The following SGCZ variants were observed in gnomAD, a reference collection of about 807,000 sequenced individuals.
SGCZ encodes zeta-sarcoglycan.
Under a neutral mutation model 41.3 loss-of-function variants are expected in SGCZ, and 40 were observed. That is an observed-to-expected ratio of 0.97 (90% CI 0.75 to 1.26). The LOEUF is 1.26. Ranked by LOEUF, SGCZ falls within the 50% of genes most tolerant of loss-of-function variation. The probability of loss-of-function intolerance (pLI) is 0.00; values close to 1 mark genes in which losing one functional copy is unlikely to be tolerated. For missense variants in SGCZ, 552 were observed against 369.8 expected (o/e 1.49, Z -4.04); for synonymous variants, 206 against 137.5 (o/e 1.50, Z -3.49).
At chr8:14,613,038 C>A (rs747149017) in intron 1 of SGCZ, among the ~76,000 whole-genome samples, 1 of 152,090 alleles carries the variant, frequency 6.6e-6, no homozygotes, top group African/African-American at 2.4e-5. Context: ...GGGGAAAGAA[C>A]TTAATCATAG....
intron 1 of SGCZ, among the ~76,000 whole-genome samples, chr8:14,802,555 G>A (rs546269145): frequency 5.6e-4 from 85 of 152,154 alleles, no homozygotes; most frequent in African/African-American, 1.9e-3. Context: ...ATTTGCTGCC[G>A]CCTTTTTTAT....
At chr8:14,604,583 A>C (rs1225462188) in intron 1 of SGCZ, among the ~76,000 whole-genome samples, 1 of 152,170 alleles carries the variant, frequency 6.6e-6, no homozygotes, top group Non-Finnish European at 1.5e-5. Context: ...CAATGAGGTG[A>C]TAATTGCCCT....
chr8:14,646,412 A>G (rs1274696652), intron 1 of SGCZ, among the ~76,000 whole-genome samples: 2 of 151,680 alleles, frequency 1.3e-5, no homozygotes, highest in African/African-American at 4.8e-5. Context: ...ATAGTATTCC[A>G]TGGTGTATAT....
intron 1 of SGCZ, among the ~76,000 whole-genome samples, chr8:15,057,300 G>A (rs545960928): frequency 6.6e-6 from 1 of 152,282 alleles, no homozygotes; most frequent in South Asian, 2.1e-4. Context: ...GGAAGAATCT[G>A]ATCATTTTCT....
At chr8:14,239,919 A>C (rs79017288) in intron 3 of SGCZ, among the ~76,000 whole-genome samples, 1 of 148,398 alleles carries the variant, frequency 6.7e-6, no homozygotes, top group Non-Finnish European at 1.5e-5. Context: ...AAAAAAAAAA[A>C]AAAAAAAAAA....
intron 2 of SGCZ, among the ~76,000 whole-genome samples, chr8:14,463,879 C>G (rs964054092): frequency 2.0e-5 from 3 of 149,944 alleles, no homozygotes; most frequent in Non-Finnish European, 4.4e-5. Flanking sequence ...TTGAGATGAT[C>G]ATGTGTTTTT....
At chr8:14,416,855 G>A (rs1351952037) in intron 2 of SGCZ, among the ~76,000 whole-genome samples, 1 of 151,776 alleles carries the variant, frequency 6.6e-6, no homozygotes, top group Non-Finnish European at 1.5e-5. Context: ...GTAGAATAAT[G>A]AGTATAAAAG....
intron 2 of SGCZ, among the ~76,000 whole-genome samples, chr8:14,499,861 T>C (rs1802099178): frequency 2.0e-5 from 3 of 152,030 alleles, no homozygotes; most frequent in Admixed American, 6.6e-5. Context: ...TCTCTTCAAA[T>C]AGTATGCTTT....
chr8:14,324,183 C>T lies in SGCZ; in HGVS notation c.256G>A (p.Val86Ile). ...FTVDGMGNLR[V>I]TKKGIRLEGI... ...TCAAGTCGGATTCCCTTCTTGGTGA[C>T]TCTCAGATTTCCCATACCATCCTAC... Residue 86 changes from valine to isoleucine, a missense_variant, in exon 3 of 8, where the codon GTC becomes ATC. Coordinates refer to ENST00000382080, the MANE Select transcript of SGCZ (RefSeq NM_139167.4). 1 of 1,612,610 alleles carries T rather than the reference C, an allele frequency of 6.2e-7. No homozygotes were observed. The highest frequency in any genetic ancestry group is 1.1e-5 in the South Asian group (1 of 91,042).
intron 2 of SGCZ, among the ~76,000 whole-genome samples, chr8:14,461,718 C>T (rs968307284): frequency 1.3e-5 from 2 of 152,040 alleles, no homozygotes; most frequent in Non-Finnish European, 2.9e-5. Context: ...CAAAGTCCTA[C>T]AAAAATAACT....
intron 1 of SGCZ, among the ~76,000 whole-genome samples, chr8:15,102,352 C>T (rs1371396838): frequency 6.6e-6 from 1 of 151,946 alleles, no homozygotes; most frequent in Non-Finnish European, 1.5e-5. Flanking sequence ...AAGTGGGTTG[C>T]TAGGGGTTGA....
chr8:14,230,817 A>G (rs1175031267), intron 4 of SGCZ, among the ~76,000 whole-genome samples: 1 of 151,178 alleles, frequency 6.6e-6, no homozygotes, highest in Non-Finnish European at 1.5e-5. Flanking sequence ...CCTTTCTAGT[A>G]AACATGTTTT....
At chr8:14,199,708 A>G (rs1805393328) in intron 4 of SGCZ, among the ~76,000 whole-genome samples, 1 of 152,158 alleles carries the variant, frequency 6.6e-6, no homozygotes, top group Admixed American at 6.5e-5. Flanking sequence ...GGAAAATAGA[A>G]AAGAACCTAC....
intron 1 of SGCZ, among the ~76,000 whole-genome samples, chr8:14,651,760 G>C (rs187128177): frequency 6.6e-6 from 1 of 152,074 alleles, no homozygotes; most frequent in Non-Finnish European, 1.5e-5. Context: ...CAAATATTGT[G>C]TTTCTACCCC....
intron 1 of SGCZ, among the ~76,000 whole-genome samples, chr8:14,904,098 G>A (rs1310247761): frequency 6.6e-6 from 1 of 152,044 alleles, no homozygotes; most frequent in Non-Finnish European, 1.5e-5. Context: ...TACTAGTCGT[G>A]CATTATTATG....
chr8:14,361,638 T>C (rs924240444), intron 2 of SGCZ, among the ~76,000 whole-genome samples: 4 of 152,182 alleles, frequency 2.6e-5, no homozygotes, highest in Non-Finnish European at 5.9e-5. Flanking sequence ...CTCCGTTAGC[T>C]CAGAGAAGTT....
chr8:14,629,188 T>C (rs1325777498), intron 1 of SGCZ, among the ~76,000 whole-genome samples: 3 of 152,130 alleles, frequency 2.0e-5, no homozygotes, highest in African/African-American at 7.2e-5. Flanking sequence ...GTTCCAGATA[T>C]ATGGCAGCCT....
At chr8:14,584,525 C>A (rs1282586321) in intron 1 of SGCZ, among the ~76,000 whole-genome samples, 4 of 151,976 alleles carry the variant, frequency 2.6e-5, no homozygotes, top group Non-Finnish European at 4.4e-5. Context: ...ATAAGGAACA[C>A]AGGGAGACAG....
chr8:14,501,876 T>G (rs1802165685), intron 2 of SGCZ, among the ~76,000 whole-genome samples: 1 of 152,146 alleles, frequency 6.6e-6, no homozygotes, highest in Admixed American at 6.6e-5. Context: ...GCCAATATAA[T>G]ATCTTTTTAT....
Sources: gnomAD v4.1 joint callset for allele counts (sites outside exome capture counted in the v4.1 genomes callset) on GRCh38, gnomAD v4.1.1 for gene constraint, MANE v1.5 for transcripts, NCBI Gene and HGNC (gene_info 2026-07-23, HGNC 2026-07-21) for gene names.